Variants in TMF1 observed in about 807,000 individuals in gnomAD.
TMF1 encodes TATA element modulatory factor.
TMF1 carries 71 observed loss-of-function variants against 126.5 expected under a neutral mutation model. The observed-to-expected ratio is 0.56, with a 90% CI of 0.46 to 0.68. The LOEUF (loss-of-function observed/expected upper bound fraction) is 0.68, where lower values mean the gene tolerates loss of function less well. Ranked by LOEUF, TMF1 falls within the 30% of genes least tolerant of loss-of-function variation. TMF1 has a pLI of 0.00. For missense variants in TMF1, 1,259 were observed against 1,253.2 expected, an observed-to-expected ratio of 1.00 and a Z score of -0.07; for synonymous variants, 461 against 430.5, an observed-to-expected ratio of 1.07 and a Z score of -0.88.
intron 8 of TMF1, among the ~76,000 whole-genome samples, chr3:69,036,297 A>C (rs570316215): frequency 1.3e-5 from 2 of 152,254 alleles, no homozygotes; most frequent in African/African-American, 4.8e-5. Flanking sequence ...TCTATCAATA[A>C]GAAAGAGCTG....
In TMF1 at chr3:69,038,826, T is replaced by C. The variant is rs775358528; in HGVS notation, c.1994+17A>G. On this transcript the variant is annotated intron_variant, in intron 7 of 16. Coordinates refer to ENST00000398559, the MANE Select transcript of TMF1 (RefSeq NM_007114.3). ...TAATTCATTCTAAATGGGTTGCATA[T>C]TTGTTCATTTTCTTACTTGTATGCA... The C allele has an allele frequency of 9.5e-6, 15 of 1,582,680 alleles. No individual in the cohort carries two copies. The South Asian group carries it at 1.5e-4, about 16-fold the overall frequency.
In TMF1 at chr3:69,048,327, T is replaced by C. The variant is rs2091907758; in HGVS notation, c.378A>G (p.Glu126=). ...CATGTAAGCTGCTTTTCACTTCTTC[T>C]TCTGGTCGTTGTGATTTTGCTGGAG... ...SKPPAKSQRP[E]EEVKSSLHES... is the part of the protein sequence containing the mutation. Residue 126 remains glutamate, a synonymous_variant, in exon 2 of 17, where the codon GAA becomes GAG. Coordinates refer to ENST00000398559, the MANE Select transcript of TMF1 (RefSeq NM_007114.3). 6.2e-7 allele frequency: 1 copy of C among 1,614,228 alleles called. No individual in the cohort carries two copies. The highest frequency in any genetic ancestry group is 8.5e-7 in the Non-Finnish European group (1 of 1,180,048).
chr3:69,022,971 T>C lies in TMF1; in HGVS notation c.*206A>G, dbSNP rs1474872442. Reference sequence around the variant, plus strand: ...CTTTAAAAAATAAATCTTTAAAGAATAGTTTCAAAAATAAAGTTCAAATAT... The same window carrying C: ...CTTTAAAAAATAAATCTTTAAAGAACAGTTTCAAAAATAAAGTTCAAATAT... On this transcript the variant is annotated 3_prime_UTR_variant, in exon 17 of 17. Coordinates refer to ENST00000398559, the MANE Select transcript of TMF1 (RefSeq NM_007114.3). The C allele has an allele frequency of 6.9e-6, 3 of 434,956 alleles. No individual in the cohort carries two copies. Among genetic ancestry groups the C allele is most frequent in the Admixed American group, 4.1e-5 (1 of 24,498 alleles). 26.9% of individuals were successfully genotyped at this position (434,956 alleles called of 1,614,324 possible).
At position 69,039,461 on chromosome 3, in the gene TMF1, A is replaced by G; in HGVS notation, c.1827+90T>C. On this transcript the variant is annotated intron_variant, in intron 6 of 16. Transcript: ENST00000398559. ...TCCTTCTTACATGATATACCCCATT[A>G]AATCTTTTCAAATGCTCCATAACCA... 3 of 1,386,392 alleles carry G rather than the reference A, an allele frequency of 2.2e-6. No homozygotes were observed. The South Asian group carries it at 4.3e-5, about 20-fold the overall frequency. 85.9% of individuals were successfully genotyped at this position (1,386,392 alleles called of 1,614,324 possible).
chr3:69,031,078 C>T (rs2091799281), intron 10 of TMF1, among the ~76,000 whole-genome samples: 1 of 152,080 alleles, frequency 6.6e-6, no homozygotes, highest in Admixed American at 6.5e-5. Context: ...ACTAAACTAC[C>T]GATACAAAAA....
Position 69,038,630 on chromosome 3 carries a change from T to A in TMF1, c.2085A>T (p.Glu695Asp), listed in dbSNP as rs752648169. ...GGGCCTTCTCTAATGCTGCAGAAAGTTCTTCTTTAGCTTTCATTTCACGGC... is the reference window on the plus strand; with the variant it reads ...GGGCCTTCTCTAATGCTGCAGAAAGATCTTCTTTAGCTTTCATTTCACGGC... ...ALSREMKAKE[E>D]LSAALEKAQE... The change falls in exon 8 of 17, where the codon GAA (glutamate) becomes GAT (aspartate). Residue 695 changes from glutamate to aspartate, a missense_variant. Physicochemically the swap from Glu to Asp is conservative, Grantham distance 45. Transcript: ENST00000398559. 5 of 1,614,174 alleles carry A rather than the reference T, an allele frequency of 3.1e-6. No individual in the cohort carries two copies. In the South Asian group the frequency reaches 5.5e-5, roughly 18 times the overall value.
In TMF1 at chr3:69,048,555, A is replaced by T. The variant is rs539849617; in HGVS notation, c.150T>A (p.Ser50Arg). ...ETIPYGEPGI[S>R]SPVSGGWDTS... is the part of the protein sequence containing the mutation. Reference sequence around the variant, plus strand: ...TATCCCATCCTCCACTGACAGGGGAACTTATTCCTTTAACAAAAAAGTAAA... The same window carrying T: ...TATCCCATCCTCCACTGACAGGGGATCTTATTCCTTTAACAAAAAAGTAAA... The change falls in exon 2 of 17, where the codon AGT (serine) becomes AGA (arginine). Residue 50 changes from serine to arginine, a missense_variant. Ser to Arg is a moderately radical substitution (Grantham distance 110). Coordinates refer to ENST00000398559, the MANE Select transcript of TMF1 (RefSeq NM_007114.3). The T allele has an allele frequency of 6.4e-6, 10 of 1,573,678 alleles. No homozygotes were observed. Among genetic ancestry groups the T allele is most frequent in the Non-Finnish European group, 8.6e-6 (10 of 1,163,400 alleles).
chr3:69,033,912 C>A (rs1043921777), intron 9 of TMF1: 11 of 407,052 alleles, frequency 2.7e-5, no homozygotes, highest in Non-Finnish European at 4.3e-5. Context: ...CTCACTGTAG[C>A]CTCAACCTCC....
rs763459868 is a variant in TMF1, at chr3:69,038,654, G to A, written c.2061C>T (p.Ser687=). The A allele has an allele frequency of 2.5e-6, 4 of 1,614,094 alleles. No individual in the cohort carries two copies. The Admixed American group carries it at 6.7e-5, about 27-fold the overall frequency. Residue 687 remains serine, a synonymous_variant, in exon 8 of 17, where the codon AGC becomes AGT. Coordinates refer to ENST00000398559, the MANE Select transcript of TMF1 (RefSeq NM_007114.3). ...KDSEAQEAAL[S]REMKAKEELS... ...GTTCTTCTTTAGCTTTCATTTCACG[G>A]CTCAGAGCAGCTTCCTGTGCCTCAC...
At position 69,048,046 on chromosome 3, in the gene TMF1, G is replaced by A; in HGVS notation, c.659C>T (p.Ala220Val). Residue 220 changes from alanine to valine, a missense_variant, in exon 2 of 17, where the codon GCA becomes GTA. Physicochemically the swap from Ala to Val is moderately conservative, Grantham distance 64. Coordinates refer to ENST00000398559, the MANE Select transcript of TMF1 (RefSeq NM_007114.3). Reference sequence around the variant, plus strand: ...TTCCAAAGCTATGTCCTTTGTTTCTGCTGTGAGAGACTGCGTAGACGTATT... The same window carrying A: ...TTCCAAAGCTATGTCCTTTGTTTCTACTGTGAGAGACTGCGTAGACGTATT... ...ISNTSTQSLT[A>V]ETKDIALEPK... 6.2e-7 allele frequency: 1 copy of A among 1,614,054 alleles called. No homozygotes were observed.
intron 12 of TMF1, 50 bp from the exon 13 acceptor site, chr3:69,028,042 C>A: frequency 1.6e-6 from 2 of 1,231,920 alleles, no homozygotes; most frequent in South Asian, 1.3e-5. Flanking sequence ...TAATTCATGC[C>A]ATGATAAGTC....
At chr3:69,043,673 C>G (rs1288915731) in intron 4 of TMF1, 77 bp downstream of exon 4, 1 of 1,293,938 alleles carries the variant, frequency 7.7e-7, no homozygotes, top group South Asian at 1.6e-5. Context: ...TTTCCAATAT[C>G]AAAATACGAT....
At chr3:69,027,620 T>A (rs768005498) in intron 13 of TMF1, among the ~76,000 whole-genome samples, 1 of 151,866 alleles carries the variant, frequency 6.6e-6, no homozygotes, top group Non-Finnish European at 1.5e-5. Context: ...TGGGCCTCAT[T>A]TGAAGAACAA....
At position 69,045,690 on chromosome 3, in the gene TMF1, G is replaced by T. The variant is rs2091891828; in HGVS notation, c.1348-1095C>A. On this transcript the variant is annotated intron_variant, in intron 2 of 16. Transcript: ENST00000398559. Reference sequence around the variant, plus strand: ...AGCTACTTGGGAGGCTGAGGCAGAAGAATCACTTGAACCTGGGAGGCAGAC... The same window carrying T: ...AGCTACTTGGGAGGCTGAGGCAGAATAATCACTTGAACCTGGGAGGCAGAC... Among the ~76,000 whole-genome samples the T allele has an allele frequency of 3.3e-5, 5 of 152,174 alleles. No homozygotes were observed. The South Asian group carries it at 1.0e-3, about 32-fold the overall frequency.
chr3:69,038,747 A>G lies in TMF1; in HGVS notation c.1995-27T>C, dbSNP rs186303906. ...TTAAAAAATTAGATTGAGTTTATAA[A>G]TGTTGCCAGTGATCAGATAATAGAA... is the stretch of plus-strand genomic sequence containing the variant. On this transcript the variant is annotated intron_variant, in intron 7 of 16. Transcript: ENST00000398559. 126 of 1,599,108 alleles carry G rather than the reference A, an allele frequency of 7.9e-5. No individual in the cohort carries two copies. In the Middle Eastern group the frequency reaches 2.3e-3, roughly 30 times the overall value.
In TMF1 at chr3:69,026,836, T is replaced by A. The variant is rs754977133; in HGVS notation, c.2758-739A>T. 1.2e-4 allele frequency among the ~76,000 whole-genome samples: 18 copies of A among 152,298 alleles called. No individual in the cohort carries two copies. In the East Asian group the frequency reaches 3.3e-3, roughly 28 times the overall value. On this transcript the variant is annotated intron_variant, in intron 13 of 16. Coordinates refer to ENST00000398559, the MANE Select transcript of TMF1 (RefSeq NM_007114.3). The stretch of plus-strand genomic sequence containing the variant: ...AATTACTAATGAGTGTTACAAATCA[T>A]AAAATTTCTGGCTTATCCATTTTAT...
chr3:69,023,966 CACTA>C, intron 16 of TMF1, 85 bp downstream of exon 16: 1 of 1,247,858 alleles, frequency 8.0e-7, no homozygotes, highest in Non-Finnish European at 1.1e-6. Flanking sequence ...TCAAATAAAT[CACTA>C]ACACATACTA....
Position 69,042,893 on chromosome 3 carries a change from T to C in TMF1, c.1598A>G (p.Glu533Gly), listed in dbSNP as rs1489954212. ...AAKKEIKNIKEELATRLNSSE... is the reference protein window; with the variant it reads ...AAKKEIKNIKGELATRLNSSE... ...ACTATTTAATCTAGTGGCAAGTTCTTCTTTTATGTTTTTGATTTCCTAATA... is the reference window on the plus strand; with the variant it reads ...ACTATTTAATCTAGTGGCAAGTTCTCCTTTTATGTTTTTGATTTCCTAATA... Residue 533 changes from glutamate to glycine, a missense_variant, in exon 5 of 17, where the codon GAA (glutamate) becomes GGA (glycine). Glu to Gly is a moderately conservative substitution (Grantham distance 98). Transcript: ENST00000398559. The C allele has an allele frequency of 1.2e-6, 2 of 1,612,086 alleles. No homozygotes were observed. The highest frequency in any genetic ancestry group is 2.7e-5 in the African/African-American group (2 of 74,812).
intron 14 of TMF1, 98 bp downstream of exon 14, chr3:69,025,898 T>A (rs2091764658): frequency 8.5e-7 from 1 of 1,173,320 alleles, no homozygotes; most frequent in Non-Finnish European, 1.2e-6. Flanking sequence ...GAATTACCCA[T>A]AGAATGGCAA....
Sources: allele counts gnomAD v4.1 joint callset (sites outside exome capture counted in the v4.1 genomes callset), GRCh38; gene constraint gnomAD v4.1.1; transcripts MANE v1.5; gene names NCBI Gene and HGNC (gene_info 2026-07-23, HGNC 2026-07-21).